Variants in MYO16 observed in about 807,000 individuals in gnomAD.
The protein encoded by MYO16 is unconventional myosin-XVI.
Under a neutral mutation model 205.3 loss-of-function variants are expected in MYO16, and 94 were observed. The observed-to-expected ratio is 0.46, with a 90% CI of 0.39 to 0.54. MYO16 has a LOEUF of 0.54. MYO16 is among the 20% of genes least tolerant of loss of function. MYO16 has a pLI of 0.00. For synonymous variants in MYO16, 988 were observed against 954.0 expected (o/e 1.04, Z -0.66); for missense variants, 2,315 against 2,387.5 (o/e 0.97, Z 0.63).
intron 16 of MYO16, among the ~76,000 whole-genome samples, chr13:108,952,928 T>C (rs542999375): frequency 1.3e-5 from 2 of 152,188 alleles, no homozygotes; most frequent in African/African-American, 2.4e-5. Context: ...TGGGGCAAAA[T>C]TGGAAACTCT....
chr13:108,634,554 C>T (rs1323552674), intron 1 of MYO16, among the ~76,000 whole-genome samples: 1 of 152,166 alleles, frequency 6.6e-6, no homozygotes, highest in Admixed American at 6.5e-5. Flanking sequence ...GAAACGATTG[C>T]CCATGCCCGT....
At chr13:108,547,301 C>T in the MYO16 span, among the ~76,000 whole-genome samples, 1 of 149,330 alleles carries the variant, frequency 6.7e-6, no homozygotes, top group African/African-American at 2.5e-5. Flanking sequence ...AAGGATAAAA[C>T]TCCGGACTGT....
intron 12 of MYO16, among the ~76,000 whole-genome samples, chr13:108,880,092 T>C (rs1288487760): frequency 6.6e-6 from 1 of 152,196 alleles, no homozygotes; most frequent in Non-Finnish European, 1.5e-5. Flanking sequence ...CGGTTTTGAT[T>C]TGCATTTCTC....
At position 108,993,984 on chromosome 13, in the gene MYO16, T is replaced by C. The variant is rs971120765; in HGVS notation, c.2442+1536T>C. Among the ~76,000 whole-genome samples the C allele has an allele frequency of 2.0e-5, 3 of 152,314 alleles. No homozygotes were observed. The East Asian group carries it at 5.8e-4, about 29-fold the overall frequency. ...GTCCTCTAAAGTCTGCTAGGGGACTTGCCTCACAAGCTGCAACTCCACACC... is the reference window on the plus strand; with the variant it reads ...GTCCTCTAAAGTCTGCTAGGGGACTCGCCTCACAAGCTGCAACTCCACACC... On this transcript the variant is annotated intron_variant, in intron 21 of 34. Coordinates refer to ENST00000457511, the MANE Select transcript of MYO16 (RefSeq NM_001198950.3).
chr13:108,870,676 A>G (rs1879008513), intron 12 of MYO16, among the ~76,000 whole-genome samples: 1 of 151,972 alleles, frequency 6.6e-6, no homozygotes, highest in African/African-American at 2.4e-5. Flanking sequence ...TCATAGTTCT[A>G]TTTATCTTTT....
chr13:108,920,749 A>C (rs1881714283), intron 16 of MYO16, among the ~76,000 whole-genome samples: 1 of 152,114 alleles, frequency 6.6e-6, no homozygotes, highest in African/African-American at 2.4e-5. Flanking sequence ...GTGAGCCACT[A>C]TGCCCAGCCA....
the MYO16 span, among the ~76,000 whole-genome samples, chr13:108,545,999 A>T: frequency 6.6e-6 from 1 of 152,134 alleles, no homozygotes; most frequent in Admixed American, 6.5e-5. Context: ...TTGCTGGTAC[A>T]TTTGCCATCA....
chr13:108,930,073 G>A (rs1034130915), intron 16 of MYO16, among the ~76,000 whole-genome samples: 1 of 152,084 alleles, frequency 6.6e-6, no homozygotes, highest in African/African-American at 2.4e-5. Flanking sequence ...TATTTTATAG[G>A]TATGTACACA....
At chr13:109,058,744 T>C (rs531632814) in intron 27 of MYO16, among the ~76,000 whole-genome samples, 2 of 152,168 alleles carry the variant, frequency 1.3e-5, no homozygotes, top group African/African-American at 4.8e-5. Context: ...ACAATCAAGC[T>C]TGCTACATCC....
At chr13:109,024,979 A>G (rs1886316579) in intron 23 of MYO16, among the ~76,000 whole-genome samples, 1 of 152,232 alleles carries the variant, frequency 6.6e-6, no homozygotes, top group South Asian at 2.1e-4. Context: ...TTTGAAATCA[A>G]CATGCAAGGT....
intron 12 of MYO16, among the ~76,000 whole-genome samples, chr13:108,867,988 A>G (rs576523300): frequency 2.8e-4 from 42 of 152,342 alleles, no homozygotes; most frequent in East Asian, 5.8e-4. Flanking sequence ...GTGTGTAGCA[A>G]TACAATAAGT....
intron 2 of MYO16, among the ~76,000 whole-genome samples, chr13:108,669,426 C>A (rs1251201738): frequency 3.3e-5 from 5 of 151,298 alleles, no homozygotes; most frequent in Non-Finnish European, 1.5e-5. Context: ...ATAAAGAGCT[C>A]TTTAAAGGAG....
chr13:109,005,649 G>C (rs906298645), intron 21 of MYO16, among the ~76,000 whole-genome samples: 3 of 152,002 alleles, frequency 2.0e-5, no homozygotes, highest in Admixed American at 6.6e-5. Context: ...CCCCTTGCCT[G>C]CCACCCTCTC....
At chr13:109,097,193 G>A (rs1487084887) in intron 27 of MYO16, among the ~76,000 whole-genome samples, 1 of 152,148 alleles carries the variant, frequency 6.6e-6, no homozygotes, top group Non-Finnish European at 1.5e-5. Flanking sequence ...GTTGGGCGTG[G>A]TGGCGGGCAC....
chr13:108,644,940 G>A (rs7331336), intron 1 of MYO16, among the ~76,000 whole-genome samples: 11,860 of 152,218 alleles, frequency 0.078, 841 homozygotes, highest in African/African-American at 0.19. Context: ...GATAATACCA[G>A]CAGCATTCTT....
chr13:108,871,159 T>C (rs1879034056), intron 12 of MYO16, among the ~76,000 whole-genome samples: 1 of 152,174 alleles, frequency 6.6e-6, no homozygotes, highest in South Asian at 2.1e-4. Flanking sequence ...ATGTCTGTTA[T>C]ATGATTTTTT....
intron 4 of MYO16, among the ~76,000 whole-genome samples, chr13:108,743,592 T>C (rs1884974207): frequency 1.3e-5 from 2 of 152,232 alleles, no homozygotes; most frequent in African/African-American, 4.8e-5. Context: ...TAACAATGGA[T>C]TGATTACTGG....
intron 1 of MYO16, among the ~76,000 whole-genome samples, chr13:108,637,531 G>T (rs1000044528): frequency 2.0e-5 from 3 of 152,100 alleles, no homozygotes; most frequent in Non-Finnish European, 2.9e-5. Flanking sequence ...ATGACTTCAA[G>T]AAATATTATT....
rs1041451656 is a variant in MYO16 at position 109,068,717 on chromosome 13, G to T, written c.3335+13122G>T. 4.6e-5 allele frequency among the ~76,000 whole-genome samples: 7 copies of T among 151,868 alleles called. No individual in the cohort carries two copies. The East Asian group carries it at 1.4e-3, about 29-fold the overall frequency. Reference sequence around the variant, plus strand: ...AGCTATTCTCCTGCCTCAGCCTCCGGAATAGCCGGGATTACAGGCATGTGC... The same window carrying T: ...AGCTATTCTCCTGCCTCAGCCTCCGTAATAGCCGGGATTACAGGCATGTGC... On this transcript the variant is annotated intron_variant, in intron 27 of 34. Coordinates refer to ENST00000457511, the MANE Select transcript of MYO16 (RefSeq NM_001198950.3).
Sources: gnomAD v4.1 joint callset for allele counts (sites outside exome capture counted in the v4.1 genomes callset) on GRCh38, gnomAD v4.1.1 for gene constraint, MANE v1.5 for transcripts, NCBI Gene and HGNC (gene_info 2026-07-23, HGNC 2026-07-21) for gene names.